Variants in ERBIN observed in about 807,000 individuals in gnomAD.
ERBIN encodes the protein densin-180-like protein.
ERBIN carries 60 observed loss-of-function variants against 158.4 expected under a neutral mutation model. The observed-to-expected ratio is 0.38, with a 90% CI of 0.31 to 0.47. ERBIN has a LOEUF of 0.47. Ranked by LOEUF, ERBIN falls within the 20% of genes least tolerant of loss-of-function variation. The pLI, the probability that ERBIN is intolerant of heterozygous loss-of-function variation, is 0.99. For synonymous variants in ERBIN, 594 were observed against 557.2 expected, an observed-to-expected ratio of 1.07 and a Z score of -0.93; for missense variants, 1,610 against 1,648.0, an observed-to-expected ratio of 0.98 and a Z score of 0.40.
chr5:65,993,577 T>C (rs1386689724), intron 3 of ERBIN, among the ~76,000 whole-genome samples: 1 of 152,158 alleles, frequency 6.6e-6, no homozygotes, highest in Non-Finnish European at 1.5e-5. Flanking sequence ...CCTATACCAG[T>C]TAAATTGCTA....
chr5:66,076,102 T>C (rs1312899329), intron 23 of ERBIN: 5 of 518,448 alleles, frequency 9.6e-6, no homozygotes, highest in Non-Finnish European at 1.3e-5. Context: ...TTAGGAGCTA[T>C]GCTTTATATA....
At chr5:65,960,916 A>C (rs963524438) in intron 1 of ERBIN, among the ~76,000 whole-genome samples, 2 of 152,152 alleles carry the variant, frequency 1.3e-5, no homozygotes, top group Non-Finnish European at 2.9e-5. Flanking sequence ...GATATTAACC[A>C]TCACTGGCCT....
At chr5:65,938,444 C>T (rs1158369497) in intron 1 of ERBIN, among the ~76,000 whole-genome samples, 1 of 148,648 alleles carries the variant, frequency 6.7e-6, no homozygotes, top group African/African-American at 2.5e-5. Flanking sequence ...GATCATAGCT[C>T]ACTGCAGCCT....
At chr5:65,967,353 A>G (rs1258753346) in intron 1 of ERBIN, among the ~76,000 whole-genome samples, 2 of 152,090 alleles carry the variant, frequency 1.3e-5, no homozygotes, top group African/African-American at 4.8e-5. Context: ...ACCCACAGCA[A>G]TTTCCAGCCC....
rs772634145 is a variant in ERBIN, at chr5:65,964,947, A to ATT, written c.-57-23667_-57-23666dup. 9.5e-4 allele frequency among the ~76,000 whole-genome samples: 72 copies of ATT among 75,632 alleles called. 5 individuals are homozygous for ATT. Among genetic ancestry groups the ATT allele is most frequent in the African/African-American group, 4.9e-3 (65 of 13,132 alleles). 49.6% of individuals were successfully genotyped at this position (75,632 alleles called of 152,430 possible). ...GTGTGTGTGTGTGTGTGTGTGTGTAATTTTTTTTTTTTTTTTTTTTTTAAG... is the reference window on the plus strand; with the variant it reads ...GTGTGTGTGTGTGTGTGTGTGTGTAATTTTTTTTTTTTTTTTTTTTTTTTAAG... On this transcript the variant is annotated intron_variant, in intron 1 of 25. Coordinates refer to ENST00000284037, the MANE Select transcript of ERBIN (RefSeq NM_001253697.2).
chr5:66,036,570 A>G (rs1274720943), intron 14 of ERBIN, among the ~76,000 whole-genome samples: 2 of 152,090 alleles, frequency 1.3e-5, no homozygotes, highest in Admixed American at 6.6e-5. Flanking sequence ...TGCACACTGT[A>G]CCCTGTCTAC....
At position 65,979,965 on chromosome 5, in the gene ERBIN, T is replaced by C. The variant is rs545251394; in HGVS notation, c.-57-8670T>C. ...AGGTTATATGTGAAATGGTGTAATATCATTTGAAAATGGGCTATGATGAAT... is the reference window on the plus strand; with the variant it reads ...AGGTTATATGTGAAATGGTGTAATACCATTTGAAAATGGGCTATGATGAAT... On this transcript the variant is annotated intron_variant, in intron 1 of 25. Transcript: ENST00000284037. Among the ~76,000 whole-genome samples the C allele has an allele frequency of 1.1e-4, 16 of 152,316 alleles. No homozygotes were observed. The South Asian group carries it at 3.1e-3, about 30-fold the overall frequency.
chr5:66,068,851 G>C (rs1011721987), intron 21 of ERBIN: 37 of 1,508,764 alleles, frequency 2.5e-5, no homozygotes, highest in Non-Finnish European at 3.1e-5. Context: ...ACTAATCTCT[G>C]TTAAATCTAT....
intron 14 of ERBIN, among the ~76,000 whole-genome samples, chr5:66,032,756 A>G (rs888575401): frequency 6.6e-6 from 1 of 152,212 alleles, no homozygotes; most frequent in African/African-American, 2.4e-5. Flanking sequence ...TAAAGTAATG[A>G]AACAGAACTG....
At chr5:65,959,164 G>A (rs1312465548) in intron 1 of ERBIN, among the ~76,000 whole-genome samples, 1 of 152,012 alleles carries the variant, frequency 6.6e-6, no homozygotes, top group Non-Finnish European at 1.5e-5. Flanking sequence ...TCTATATAAT[G>A]CTAGCTAACA....
Position 66,023,075 on chromosome 5 carries a change from T to G in ERBIN, c.598-215T>G, listed in dbSNP as rs28740884. On this transcript the variant is annotated intron_variant, in intron 8 of 25. Transcript: ENST00000284037. Reference sequence around the variant, plus strand: ...TGGCATGTCTCTTTGATTTCTCCATTAATAATTTTCTATAATAATTTTACT... The same window carrying G: ...TGGCATGTCTCTTTGATTTCTCCATGAATAATTTTCTATAATAATTTTACT... 1,839 of 408,856 alleles carry G rather than the reference T, an allele frequency of 4.5e-3. 34 individuals are homozygous for G. The highest frequency in any genetic ancestry group is 0.035 in the African/African-American group (1,673 of 48,170). 25.3% of individuals were successfully genotyped at this position (408,856 alleles called of 1,614,324 possible). A position where few individuals can be genotyped will look rare whatever the true frequency, so the allele number is the denominator to read the frequency against.
intron 1 of ERBIN, among the ~76,000 whole-genome samples, chr5:65,936,055 T>C (rs911047895): frequency 6.6e-6 from 1 of 152,082 alleles, no homozygotes; most frequent in Middle Eastern, 3.2e-3. Context: ...GGTTATATTG[T>C]TTGCATGATC....
In ERBIN at chr5:66,072,244, T is replaced by C; in HGVS notation, c.3709T>C (p.Ser1237Pro). Residue 1237 changes from serine (S) to proline (P), a missense_variant, in exon 22 of 26, where the codon TCA (serine) becomes CCA (proline). By Grantham distance (74) the Ser-to-Pro change is moderately conservative. Coordinates refer to ENST00000284037, the MANE Select transcript of ERBIN (RefSeq NM_001253697.2). ...CATTTCAGGACAGCAGAACTACTCATCAGCCACACTTAGTCACAAAGATGT... is the reference window on the plus strand; with the variant it reads ...CATTTCAGGACAGCAGAACTACTCACCAGCCACACTTAGTCACAAAGATGT... ...IFISGQQNYS[S>P]ATLSHKDVPP... The C allele has an allele frequency of 6.4e-7, 1 of 1,550,484 alleles. No homozygotes were observed. The highest frequency in any genetic ancestry group is 2.4e-5 in the East Asian group (1 of 40,860).
At chr5:65,978,562 T>G (rs1235892995) in intron 1 of ERBIN, among the ~76,000 whole-genome samples, 1 of 152,212 alleles carries the variant, frequency 6.6e-6, no homozygotes, top group African/African-American at 2.4e-5. Flanking sequence ...GAGTTCTGTG[T>G]AGGTGAATGT....
chr5:66,038,312 T>A, intron 14 of ERBIN, 71 bp from the exon 15 acceptor site: 3 of 957,034 alleles, frequency 3.1e-6, no homozygotes, highest in Admixed American at 2.2e-5. Context: ...TGTGTACTTA[T>A]GCAGAGGAAT....
chr5:66,069,740 G>A (rs16894850), intron 21 of ERBIN, among the ~76,000 whole-genome samples: 8,793 of 152,086 alleles, frequency 0.058, 885 homozygotes, highest in African/African-American at 0.2. Context: ...CTTCAATCCC[G>A]AAAAGACTGT....
intron 14 of ERBIN, among the ~76,000 whole-genome samples, chr5:66,034,980 C>A (rs184773575): frequency 5.3e-4 from 81 of 152,178 alleles, no homozygotes; most frequent in African/African-American, 1.8e-3. Context: ...AGTAGTCTTG[C>A]TGAGGGTGAT....
Position 66,078,832 on chromosome 5 carries a change from T to C in ERBIN, c.*302T>C, listed in dbSNP as rs1365997349. 2 of 301,028 alleles carry C rather than the reference T, an allele frequency of 6.6e-6. No homozygotes were observed. The highest frequency in any genetic ancestry group is 4.6e-5 in the African/African-American group (2 of 43,936). The allele number at this position is 301,028 out of a possible 1,614,324, so 18.6% of individuals were successfully genotyped here. A position where few individuals can be genotyped will look rare whatever the true frequency, so the allele number is the denominator to read the frequency against. ...ATTGTAGGTTTATTTTTGGATTTCA[T>C]ATACATGACTGAACTGTGTGCAAGG... On this transcript the variant is annotated 3_prime_UTR_variant, in exon 26 of 26. Transcript: ENST00000284037.
At chr5:65,957,940 T>C (rs1444313085) in intron 1 of ERBIN, among the ~76,000 whole-genome samples, 1 of 132,094 alleles carries the variant, frequency 7.6e-6, no homozygotes. Context: ...ACTTCTCAGA[T>C]GGGGCGGCTG....
Sources: allele counts gnomAD v4.1 joint callset (sites outside exome capture counted in the v4.1 genomes callset), GRCh38; gene constraint gnomAD v4.1.1; transcripts MANE v1.5; gene names NCBI Gene and HGNC (gene_info 2026-07-23, HGNC 2026-07-21).